PATJ: variants seen among roughly 807,000 people sequenced by gnomAD.
PATJ encodes PATJ crumbs cell polarity complex component.
Under a neutral mutation model 224.9 loss-of-function variants are expected in PATJ, and 190 were observed. The ratio of observed to expected loss-of-function variants is 0.84; its 90% CI spans 0.75 to 0.95. The LOEUF (loss-of-function observed/expected upper bound fraction) is 0.95. Ranked by LOEUF, PATJ falls within the 40% of genes least tolerant of loss-of-function variation. PATJ has a pLI of 0.00. For missense variants in PATJ, 2,121 were observed against 2,270.3 expected (o/e 0.93, Z 1.34); for synonymous variants, 769 against 820.3 (o/e 0.94, Z 1.07).
chr1:61,856,525 A>G (rs1323627251), intron 18 of PATJ, among the ~76,000 whole-genome samples: 1 of 152,120 alleles, frequency 6.6e-6, no homozygotes, highest in Non-Finnish European at 1.5e-5. Flanking sequence ...TCTTACTACT[A>G]TTTTCATCTT....
At chr1:62,106,063 A>AAT (rs1553268230) in intron 33 of PATJ, among the ~76,000 whole-genome samples, 7,329 of 39,530 alleles carry the variant, frequency 0.19, 1,733 homozygotes, top group African/African-American at 0.27. Flanking sequence ...AAAAAAAAAA[A>AAT]ATATATATAT....
intron 27 of PATJ, among the ~76,000 whole-genome samples, chr1:61,987,055 T>C (rs1037499997): frequency 3.9e-5 from 6 of 152,226 alleles, no homozygotes; most frequent in East Asian, 1.9e-4. Flanking sequence ...AGAATTATAA[T>C]TTTTATTCAA....
intron 33 of PATJ, among the ~76,000 whole-genome samples, chr1:62,098,625 A>G (rs1402329853): frequency 1.3e-5 from 2 of 152,080 alleles, no homozygotes; most frequent in South Asian, 2.1e-4. Flanking sequence ...AGTTCATTCA[A>G]CTCTGTGCTT....
intron 31 of PATJ, among the ~76,000 whole-genome samples, chr1:62,061,260 C>T (rs911745897): frequency 1.3e-5 from 2 of 152,054 alleles, no homozygotes; most frequent in Admixed American, 1.3e-4. Flanking sequence ...TGGCTCACTA[C>T]AATCTCTACC....
At chr1:61,883,640 A>G (rs1196921035) in intron 21 of PATJ, among the ~76,000 whole-genome samples, 1 of 151,892 alleles carries the variant, frequency 6.6e-6, no homozygotes, top group East Asian at 1.9e-4. Flanking sequence ...CTGTAGTCCC[A>G]GCTACTCAGG....
intron 17 of PATJ, among the ~76,000 whole-genome samples, chr1:61,838,981 A>C (rs1660654072): frequency 1.3e-5 from 2 of 152,174 alleles, no homozygotes; most frequent in Admixed American, 1.3e-4. Context: ...ACCATATGAA[A>C]GAGATACTCT....
intron 41 of PATJ, among the ~76,000 whole-genome samples, chr1:62,142,845 G>A (rs1306612262): frequency 2.0e-5 from 3 of 152,152 alleles, no homozygotes; most frequent in Non-Finnish European, 4.4e-5. Context: ...GATTAGAGGA[G>A]TAGGCTATGG....
intron 43 of PATJ, among the ~76,000 whole-genome samples, chr1:62,156,326 T>G (rs1438705132): frequency 6.6e-6 from 1 of 151,890 alleles, no homozygotes. Context: ...GGTCAGGAGT[T>G]TAGGACCAGC....
intron 25 of PATJ, among the ~76,000 whole-genome samples, chr1:61,910,843 G>C (rs1235125983): frequency 6.6e-6 from 1 of 151,808 alleles, no homozygotes; most frequent in Non-Finnish European, 1.5e-5. Context: ...CACTGCACCT[G>C]GACAGGGCAA....
intron 17 of PATJ, among the ~76,000 whole-genome samples, chr1:61,850,736 A>G (rs978451357): frequency 1.3e-5 from 2 of 152,256 alleles, no homozygotes; most frequent in Admixed American, 6.5e-5. Flanking sequence ...TTTACCAGCC[A>G]TGTGCTTTGG....
intron 27 of PATJ, among the ~76,000 whole-genome samples, chr1:61,982,547 A>G (rs377456608): frequency 6.6e-6 from 1 of 151,996 alleles, no homozygotes; most frequent in Non-Finnish European, 1.5e-5. Flanking sequence ...GAACTGTGAA[A>G]TGTTTCTTTC....
intron 7 of PATJ, among the ~76,000 whole-genome samples, chr1:61,780,203 C>T (rs1192290217): frequency 2.6e-5 from 4 of 152,204 alleles, no homozygotes; most frequent in African/African-American, 9.6e-5. Flanking sequence ...GTGGCTCATG[C>T]CTGTAATCCC....
At chr1:61,878,605 A>G (rs1443911744) in intron 21 of PATJ, among the ~76,000 whole-genome samples, 1 of 151,860 alleles carries the variant, frequency 6.6e-6, no homozygotes, top group African/African-American at 2.4e-5. Context: ...GCACTTTGGG[A>G]GGCCAAGGCA....
chr1:61,972,244 GT>G (rs1460243192), intron 27 of PATJ, among the ~76,000 whole-genome samples: 1 of 151,936 alleles, frequency 6.6e-6, no homozygotes, highest in African/African-American at 2.4e-5. Flanking sequence ...ATGAAACAAA[GT>G]TTTGACTGTG....
At chr1:61,815,679 GTC>G (rs1655959614) in intron 14 of PATJ, among the ~76,000 whole-genome samples, 1 of 152,108 alleles carries the variant, frequency 6.6e-6, no homozygotes, top group Non-Finnish European at 1.5e-5. Flanking sequence ...GGGAGACCCT[GTC>G]TCTATATTTT....
chr1:62,123,322 A>G (rs1475844254), intron 39 of PATJ, among the ~76,000 whole-genome samples: 1 of 152,046 alleles, frequency 6.6e-6, no homozygotes, highest in Non-Finnish European at 1.5e-5. Context: ...TATTTTTTCA[A>G]TCTTAGTCTT....
chr1:62,019,768 A>AG (rs199678710), intron 29 of PATJ, among the ~76,000 whole-genome samples: 1,574 of 152,270 alleles, frequency 0.01, 31 homozygotes, highest in African/African-American at 0.036. Context: ...ATTAAAAAAA[A>AG]AAACTTGAGT....
chr1:61,902,946 C>T (rs555019884), intron 24 of PATJ, among the ~76,000 whole-genome samples: 10 of 152,124 alleles, frequency 6.6e-5, no homozygotes, highest in South Asian at 2.1e-4. Flanking sequence ...GCAAAAGCTC[C>T]GAGGTAGGAG....
chr1:61,746,641 T>C (rs1645039873), intron 1 of PATJ, among the ~76,000 whole-genome samples: 1 of 151,586 alleles, frequency 6.6e-6, no homozygotes, highest in South Asian at 2.1e-4. Flanking sequence ...ATCAGAAAAA[T>C]AGTTGTGTTT....
Sources: allele counts gnomAD v4.1 joint callset (sites outside exome capture counted in the v4.1 genomes callset), GRCh38; gene constraint gnomAD v4.1.1; transcripts MANE v1.5; gene names NCBI Gene and HGNC (gene_info 2026-07-23, HGNC 2026-07-21).